Variants in FSTL4 observed in about 807,000 individuals in gnomAD.
FSTL4 encodes the protein follistatin-related protein 4.
In FSTL4, 28 loss-of-function variants were observed where a neutral mutation model predicts 78.2. That is an observed-to-expected ratio of 0.36 (90% CI 0.27 to 0.49). The LOEUF (loss-of-function observed/expected upper bound fraction) is 0.49, where lower values mean the gene tolerates loss of function less well. Among genes scored for constraint, FSTL4 ranks in the 20% least tolerant of loss-of-function variants. The pLI is 0.98. For synonymous variants in FSTL4, 422 were observed against 440.5 expected (o/e 0.96, Z 0.53); for missense variants, 922 against 1,084.9 (o/e 0.85, Z 2.11).
At chr5:133,674,597 G>C in the FSTL4 span, among the ~76,000 whole-genome samples, 1 of 143,932 alleles carries the variant, frequency 6.9e-6, no homozygotes, top group East Asian at 1.9e-4. Flanking sequence ...GTGTGTGTGT[G>C]TGTGTGTGTG....
intron 7 of FSTL4, among the ~76,000 whole-genome samples, chr5:133,234,066 T>G (rs563040156): frequency 4.3e-4 from 65 of 152,302 alleles, no homozygotes; most frequent in African/African-American, 1.4e-3. Context: ...ACACATAAAT[T>G]AATGAACGTG....
At chr5:133,224,414 GTCTCCAGACCC>G (rs1394359775) in intron 10 of FSTL4, 198 bp from the exon 11 acceptor site, 1 of 475,984 alleles carries the variant, frequency 2.1e-6, no homozygotes, top group Admixed American at 3.8e-5. Flanking sequence ...ATGCTTTCAG[GTCTCCAGACCC>G]TTTGATTCTT....
chr5:133,370,164 TTC>T (rs1755263131), intron 4 of FSTL4, among the ~76,000 whole-genome samples: 1 of 152,154 alleles, frequency 6.6e-6, no homozygotes, highest in Non-Finnish European at 1.5e-5. Context: ...CCCTAATATT[TTC>T]TGTCTGCCCT....
chr5:133,368,396 G>C (rs1376326303), intron 4 of FSTL4, among the ~76,000 whole-genome samples: 1 of 152,202 alleles, frequency 6.6e-6, no homozygotes, highest in Non-Finnish European at 1.5e-5. Flanking sequence ...GGGGACACTG[G>C]GGAGTTATGT....
At chr5:133,693,195 T>C in the FSTL4 span, among the ~76,000 whole-genome samples, 35 of 152,262 alleles carry the variant, frequency 2.3e-4, no homozygotes, top group South Asian at 7.0e-3. Context: ...CTGAAAAGCA[T>C]ATAGCTAGCA....
chr5:133,376,207 G>A (rs1486494312), intron 4 of FSTL4, among the ~76,000 whole-genome samples: 4 of 152,168 alleles, frequency 2.6e-5, no homozygotes, highest in Non-Finnish European at 5.9e-5. Flanking sequence ...AGACATTGTG[G>A]TATTGGTGCA....
At position 133,273,766 on chromosome 5, in the gene FSTL4, C is replaced by CG. The variant is rs962161987; in HGVS notation, c.728-24191dup. 2.8e-4 allele frequency among the ~76,000 whole-genome samples: 43 copies of CG among 152,210 alleles called. 2 individuals carry two copies. The highest frequency in any genetic ancestry group is 2.5e-3 in the Admixed American group (38 of 15,284). ...AAGGGAAACCTACGTTTGCAGGCAG[C>CG]GGAAGGAGTAACCCACTCCAGGGAT... is the stretch of plus-strand genomic sequence containing the variant. On this transcript the variant is annotated intron_variant, in intron 6 of 15. Transcript: ENST00000265342.
chr5:133,238,335 A>AG (rs796630016), intron 7 of FSTL4, among the ~76,000 whole-genome samples: 13 of 152,104 alleles, frequency 8.5e-5, no homozygotes, highest in South Asian at 2.1e-4. Flanking sequence ...GAGGGAGCAA[A>AG]GGGGGGGTCT....
At chr5:133,628,138 C>G in the FSTL4 span, among the ~76,000 whole-genome samples, 1 of 152,096 alleles carries the variant, frequency 6.6e-6, no homozygotes, top group African/African-American at 2.4e-5. Flanking sequence ...ATTTATAGCA[C>G]TAAATGCCCA....
At chr5:133,360,120 G>A (rs1755037310) in intron 4 of FSTL4, among the ~76,000 whole-genome samples, 1 of 152,232 alleles carries the variant, frequency 6.6e-6, no homozygotes, top group Non-Finnish European at 1.5e-5. Context: ...GGCCTTCATG[G>A]GAACACACCC....
chr5:133,445,769 T>C (rs1757251240), intron 3 of FSTL4, among the ~76,000 whole-genome samples: 1 of 152,120 alleles, frequency 6.6e-6, no homozygotes, highest in Non-Finnish European at 1.5e-5. Flanking sequence ...GCTGCAGCAA[T>C]ATTTAACAGA....
intron 4 of FSTL4, among the ~76,000 whole-genome samples, chr5:133,323,671 GCTGGCCTGGCCAGCCC>G (rs1380374279): frequency 1.3e-5 from 2 of 152,210 alleles, no homozygotes; most frequent in African/African-American, 4.8e-5. Flanking sequence ...ATGCCACAGG[GCTGGCCTGGCCAGCCC>G]CTGGCCCTGG....
intron 3 of FSTL4, among the ~76,000 whole-genome samples, chr5:133,528,528 C>T (rs909761641): frequency 2.0e-5 from 3 of 152,302 alleles, no homozygotes; most frequent in Middle Eastern, 3.4e-3. Flanking sequence ...CTACATGTCA[C>T]GCTGAACTGT....
At chr5:133,415,462 T>G (rs1215560389) in intron 3 of FSTL4, among the ~76,000 whole-genome samples, 1 of 152,250 alleles carries the variant, frequency 6.6e-6, no homozygotes, top group Non-Finnish European at 1.5e-5. Flanking sequence ...TTTTTGATTC[T>G]TGTTAATATA....
chr5:133,713,278 A>G, the FSTL4 span, among the ~76,000 whole-genome samples: 2 of 152,242 alleles, frequency 1.3e-5, no homozygotes, highest in Non-Finnish European at 2.9e-5. Flanking sequence ...ATAAATTATG[A>G]GTTGGTATAA....
At position 133,612,013 on chromosome 5, in the gene FSTL4, C is replaced by G. The variant is rs431667; in HGVS notation, c.-11+312G>C. ...GCCCGAGCGCTTCTGCGTGGCGCCCCGCGTGCCAACCGGGTCACTCCGGTC... is the reference window on the plus strand; with the variant it reads ...GCCCGAGCGCTTCTGCGTGGCGCCCGGCGTGCCAACCGGGTCACTCCGGTC... On this transcript the variant is annotated intron_variant, in intron 1 of 15. Transcript: ENST00000265342. The surrounding 1 kb of genome is among the most constrained non-coding windows in gnomAD (Gnocchi z 6.2). Among the ~76,000 whole-genome samples the G allele has an allele frequency of 0.1, 15,586 of 151,990 alleles. 850 individuals are homozygous for G. The highest frequency in any genetic ancestry group is 0.14 in the African/African-American group (5,841 of 41,494).
the FSTL4 span, among the ~76,000 whole-genome samples, chr5:133,729,703 C>T: frequency 2.6e-5 from 4 of 152,080 alleles, no homozygotes; most frequent in Non-Finnish European, 4.4e-5. Flanking sequence ...ACCACCAACC[C>T]ACCTTACTAA....
chr5:133,668,286 G>A, the FSTL4 span, among the ~76,000 whole-genome samples: 2 of 152,178 alleles, frequency 1.3e-5, no homozygotes, highest in Non-Finnish European at 2.9e-5. Context: ...CAGAGCTTCA[G>A]GGGTCAGGGG....
chr5:133,608,669 A>G (rs542681060), intron 1 of FSTL4, among the ~76,000 whole-genome samples: 7 of 152,364 alleles, frequency 4.6e-5, no homozygotes, highest in African/African-American at 1.7e-4. Flanking sequence ...TGAAAACCAC[A>G]GGATTTTCAG....
Sources: gnomAD v4.1 joint callset for allele counts (sites outside exome capture counted in the v4.1 genomes callset) on GRCh38, gnomAD v4.1.1 for gene constraint, Gnocchi (gnomAD v3.1) non-coding constraint, MANE v1.5 for transcripts, NCBI Gene and HGNC (gene_info 2026-07-23, HGNC 2026-07-21) for gene names.